ZNF454: variants seen among roughly 807,000 people sequenced by gnomAD.
The protein encoded by ZNF454 is zinc finger protein 454.
ZNF454 carries 30 observed loss-of-function variants against 48.2 expected under a neutral mutation model. The ratio of observed to expected loss-of-function variants is 0.62; its 90% CI spans 0.47 to 0.84. ZNF454 has a LOEUF of 0.84. ZNF454 is among the 40% of genes least tolerant of loss of function. The pLI, the probability that ZNF454 is intolerant of heterozygous loss-of-function variation, is 0.00. For missense variants in ZNF454, 510 were observed against 623.1 expected, an observed-to-expected ratio of 0.82 and a Z score of 1.93; for synonymous variants, 204 against 211.4, an observed-to-expected ratio of 0.97 and a Z score of 0.30.
Position 178,946,873 on chromosome 5 carries a change from A to G in ZNF454, c.161-24A>G, listed in dbSNP as rs370453069. 1.9e-6 allele frequency: 3 copies of G among 1,601,136 alleles called. No homozygotes were observed. The highest frequency in any genetic ancestry group is 2.2e-5 in the East Asian group (1 of 44,816). On this transcript the variant is annotated intron_variant, in intron 3 of 4. Coordinates refer to ENST00000519564, the MANE Select transcript of ZNF454 (RefSeq NM_001178089.3). The surrounding 1 kb of genome is among the most constrained non-coding windows in gnomAD (Gnocchi z 4.5). ...TCTCTCGTATAAACAGATGTGGTTC[A>G]TTTTTGTCTCCCCTTAAAAACAGGA...
At chr5:178,986,609 G>A in the ZNF454 span, 1 of 1,604,074 alleles carries the variant, frequency 6.2e-7, no homozygotes, top group Non-Finnish European at 8.5e-7. Context: ...TCGTCCACCT[G>A]GAAGCGGTAC....
At chr5:178,942,887 T>C (rs558741259) in intron 2 of ZNF454, 63 bp downstream of exon 2, 112 of 1,562,274 alleles carry the variant, frequency 7.2e-5, no homozygotes, top group Non-Finnish European at 9.3e-5. Context: ...CATGTTTGCT[T>C]CCTCAGACCG....
chr5:178,968,514 A>G (rs1561710710), downstream of ZNF454, among the ~76,000 whole-genome samples: 1 of 152,202 alleles, frequency 6.6e-6, no homozygotes, highest in South Asian at 2.1e-4. Flanking sequence ...TCAGCAACTC[A>G]GACTTTCTTC....
At chr5:178,971,227 G>T (rs568116625), downstream of ZNF454, among the ~76,000 whole-genome samples, 66 of 152,336 alleles carry the variant, frequency 4.3e-4, no homozygotes, top group African/African-American at 1.5e-3. Context: ...ACAGGGCCAT[G>T]TGGGCGAGGC....
chr5:178,987,195 TGGA>T, the ZNF454 span: 1 of 692,216 alleles, frequency 1.4e-6, no homozygotes, highest in South Asian at 1.5e-5. Flanking sequence ...TGTGAGCGTG[TGGA>T]GAAGTCGGAA....
At chr5:178,962,263 T>A (rs1760032254) in intron 4 of ZNF454, among the ~76,000 whole-genome samples, 1 of 151,798 alleles carries the variant, frequency 6.6e-6, no homozygotes, top group African/African-American at 2.4e-5. Flanking sequence ...TTTTCAAAGG[T>A]AGTGTATCAT....
chr5:178,955,255 A>AGTGG (rs1217548395), intron 4 of ZNF454, among the ~76,000 whole-genome samples: 1 of 152,192 alleles, frequency 6.6e-6, no homozygotes, highest in African/African-American at 2.4e-5. Flanking sequence ...TAGGAGCTGT[A>AGTGG]GTGGGGTGGC....
rs1581859182 is a variant in ZNF454 at position 178,946,795 on chromosome 5, C to T, written c.161-102C>T. The T allele has an allele frequency of 9.0e-6, 10 of 1,107,856 alleles. No homozygotes were observed. The East Asian group carries it at 2.3e-4, about 26-fold the overall frequency. The allele number at this position is 1,107,856 out of a possible 1,614,324, so 68.6% of individuals were successfully genotyped here. On this transcript the variant is annotated intron_variant, in intron 3 of 4. Transcript: ENST00000519564. This position sits in a 1 kb window ranked among gnomAD's most constrained non-coding sequence, Gnocchi z 4.5. ...CTGACCCTGGGCTTTCCTATCAAGTCCCATTTCCCAGCAAGCTCTGAGGAC... is the reference window on the plus strand; with the variant it reads ...CTGACCCTGGGCTTTCCTATCAAGTTCCATTTCCCAGCAAGCTCTGAGGAC...
rs755697008 is a variant in ZNF454 at position 178,966,102 on chromosome 5, G to T, written c.*129G>T. On this transcript the variant is annotated 3_prime_UTR_variant, in exon 5 of 5. Transcript: ENST00000519564. ...AGTCACTTTATTTACTGAGGGTCAG[G>T]TTTCACAGTGTCATGGGGTTTGGGC... 2 of 856,288 alleles carry T rather than the reference G, an allele frequency of 2.3e-6. No homozygotes were observed. The highest frequency in any genetic ancestry group is 1.7e-5 in the African/African-American group (1 of 59,198). 53.0% of individuals were successfully genotyped at this position (856,288 alleles called of 1,614,324 possible). A position where few individuals can be genotyped will look rare whatever the true frequency, so the allele number is the denominator to read the frequency against.
At chr5:178,989,362 G>A in the ZNF454 span, 2 of 1,613,966 alleles carry the variant, frequency 1.2e-6, no homozygotes, top group South Asian at 2.2e-5. Context: ...AGATGTTCCT[G>A]CGGTTGTTCT....
chr5:178,976,518 G>T, the ZNF454 span, among the ~76,000 whole-genome samples: 2 of 152,156 alleles, frequency 1.3e-5, no homozygotes, highest in African/African-American at 2.4e-5. Flanking sequence ...CTGCTCAGCT[G>T]TGGGGCTGGG....
At chr5:178,981,418 TTTCCC>T in the ZNF454 span, 2 of 519,546 alleles carry the variant, frequency 3.8e-6, no homozygotes, top group Non-Finnish European at 6.9e-6. The surrounding 1 kb of genome is among the most constrained non-coding windows in gnomAD (Gnocchi z 5.1). Flanking sequence ...TCGGTGGCTG[TTTCCC>T]ACCATGGGAA....
At chr5:178,945,279 A>C (rs896921164) in intron 2 of ZNF454, among the ~76,000 whole-genome samples, 3 of 147,098 alleles carry the variant, frequency 2.0e-5, no homozygotes, top group African/African-American at 7.6e-5. Context: ...TGTTGTGTGT[A>C]TGTGCATGCG....
At chr5:178,983,483 C>G in the ZNF454 span, 1 of 667,224 alleles carries the variant, frequency 1.5e-6, no homozygotes. Flanking sequence ...TATATGTTGG[C>G]AACATCAGTG....
chr5:178,972,083 A>G, the ZNF454 span, among the ~76,000 whole-genome samples: 1 of 151,822 alleles, frequency 6.6e-6, no homozygotes, highest in African/African-American at 2.4e-5. Flanking sequence ...ACAGGCATGC[A>G]CCACCACACC....
At chr5:178,975,815 A>T in the ZNF454 span, 1 of 333,384 alleles carries the variant, frequency 3.0e-6, no homozygotes, top group African/African-American at 2.1e-5. Context: ...GGTAACCTCT[A>T]CAATCAGCTG....
At chr5:178,956,519 G>GAAAA (rs397955241) in intron 4 of ZNF454, among the ~76,000 whole-genome samples, 7 of 112,358 alleles carry the variant, frequency 6.2e-5, no homozygotes, top group South Asian at 3.2e-4. Flanking sequence ...CTCCTGAAAA[G>GAAAA]AAAAAAAAAA....
intron 1 of ZNF454, chr5:178,942,421 A>C (rs1251923335): frequency 5.1e-6 from 1 of 194,404 alleles, no homozygotes; most frequent in African/African-American, 2.3e-5. Context: ...AACAAACAAA[A>C]AAAGAATTCT....
At chr5:178,982,716 G>A in the ZNF454 span, 2 of 517,354 alleles carry the variant, frequency 3.9e-6, no homozygotes, top group South Asian at 2.7e-5. Flanking sequence ...AAAAAAAGAA[G>A]AGTGGAAGTT....
Sources: gnomAD v4.1 joint callset for allele counts (sites outside exome capture counted in the v4.1 genomes callset) on GRCh38, gnomAD v4.1.1 for gene constraint, Gnocchi (gnomAD v3.1) non-coding constraint, MANE v1.5 for transcripts, NCBI Gene and HGNC (gene_info 2026-07-23, HGNC 2026-07-21) for gene names.